Variants in NTNG1 observed in about 807,000 individuals in gnomAD.
NTNG1 encodes the protein netrin-G1.
NTNG1 carries 16 observed loss-of-function variants against 54.0 expected under a neutral mutation model. The ratio of observed to expected loss-of-function variants is 0.30; its 90% confidence interval spans 0.20 to 0.45. The LOEUF (loss-of-function observed/expected upper bound fraction) is 0.45. NTNG1 is among the 20% of genes least tolerant of loss of function. The probability of loss-of-function intolerance (pLI) is 1.00; values close to 1 mark genes in which losing one functional copy is unlikely to be tolerated. For missense variants in NTNG1, 530 were observed against 678.7 expected (o/e 0.78, Z 2.43); for synonymous variants, 255 against 263.1 (o/e 0.97, Z 0.30).
chr1:107,364,655 C>G (rs578235976), intron 3 of NTNG1, among the ~76,000 whole-genome samples: 2 of 152,308 alleles, frequency 1.3e-5, no homozygotes, highest in South Asian at 2.1e-4. Flanking sequence ...CATAAGAAAG[C>G]ATCTCCATCA....
At chr1:107,430,651 C>A in intron 5 of NTNG1, 99 bp from the exon 6 acceptor site, 1 of 1,206,508 alleles carries the variant, frequency 8.3e-7, no homozygotes, top group Non-Finnish European at 1.2e-6. Context: ...AATGCCATTC[C>A]ACCGTCTTTT....
At chr1:107,142,383 C>T (rs1216110727) in intron 1 of NTNG1, among the ~76,000 whole-genome samples, 1 of 150,654 alleles carries the variant, frequency 6.6e-6, no homozygotes, top group African/African-American at 2.4e-5. Context: ...AAATTCCTAG[C>T]GGGGATTTTA....
intron 5 of NTNG1, among the ~76,000 whole-genome samples, chr1:107,420,691 G>A (rs564425982): frequency 1.3e-5 from 2 of 151,874 alleles, no homozygotes; most frequent in African/African-American, 2.4e-5. Flanking sequence ...TGTATATGTC[G>A]AATAGTTTAT....
intron 5 of NTNG1, among the ~76,000 whole-genome samples, chr1:107,426,476 T>C (rs187026413): frequency 1.3e-5 from 2 of 152,182 alleles, no homozygotes; most frequent in East Asian, 3.9e-4. Context: ...TCAGAGGTTG[T>C]AGGGTATGTG....
intron 2 of NTNG1, among the ~76,000 whole-genome samples, chr1:107,316,692 T>C (rs996215200): frequency 6.6e-6 from 1 of 152,190 alleles, no homozygotes; most frequent in South Asian, 2.1e-4. Flanking sequence ...TGTTGATGAC[T>C]CAGTTTACCC....
chr1:107,375,160 C>G (rs1671154528), intron 3 of NTNG1, among the ~76,000 whole-genome samples: 2 of 152,158 alleles, frequency 1.3e-5, no homozygotes, highest in Non-Finnish European at 2.9e-5. Flanking sequence ...TACAGATCTT[C>G]AGTGTTCTTT....
At chr1:107,279,735 T>C (rs558845602) in intron 2 of NTNG1, among the ~76,000 whole-genome samples, 14 of 152,320 alleles carry the variant, frequency 9.2e-5, no homozygotes, top group African/African-American at 2.9e-4. Flanking sequence ...TAATTCTGGG[T>C]AGAAAACAGT....
intron 3 of NTNG1, among the ~76,000 whole-genome samples, chr1:107,360,446 G>C (rs979209800): frequency 3.9e-5 from 6 of 152,090 alleles, no homozygotes; most frequent in Non-Finnish European, 7.4e-5. Context: ...GTACAGTATG[G>C]AATACTCAAG....
At chr1:107,410,717 G>T (rs375482789) in intron 5 of NTNG1, 1 of 152,104 alleles carries the variant, frequency 6.6e-6, no homozygotes, top group Non-Finnish European at 1.5e-5. Context: ...TGTTGCTGCC[G>T]ATAATCCAAA....
intron 2 of NTNG1, among the ~76,000 whole-genome samples, chr1:107,165,007 C>T (rs1380590274): frequency 1.3e-5 from 2 of 151,966 alleles, no homozygotes; most frequent in African/African-American, 2.4e-5. Context: ...AGCAGGGATA[C>T]GAGCCAGAGT....
chr1:107,205,292 T>C (rs1039498111), intron 2 of NTNG1, among the ~76,000 whole-genome samples: 2 of 151,958 alleles, frequency 1.3e-5, no homozygotes, highest in Non-Finnish European at 2.9e-5. Flanking sequence ...CTCTTGGATA[T>C]GCCTGTCTCC....
chr1:107,400,459 C>T (rs1445704333), intron 4 of NTNG1, among the ~76,000 whole-genome samples: 2 of 152,036 alleles, frequency 1.3e-5, no homozygotes, highest in Non-Finnish European at 2.9e-5. Flanking sequence ...GAGATATGTA[C>T]TATTATTATC....
intron 2 of NTNG1, among the ~76,000 whole-genome samples, chr1:107,223,716 GA>G (rs1026118891): frequency 6.6e-6 from 1 of 152,006 alleles, no homozygotes; most frequent in East Asian, 1.9e-4. Context: ...GGAGCTGAAA[GA>G]AAAAAGGTAT....
At chr1:107,405,556 T>G (rs1452993669) in intron 4 of NTNG1, among the ~76,000 whole-genome samples, 2 of 152,158 alleles carry the variant, frequency 1.3e-5, no homozygotes, top group Admixed American at 6.6e-5. Context: ...AATTTCTGCA[T>G]CTTTCCAAAG....
At chr1:107,216,876 A>G (rs977841547) in intron 2 of NTNG1, among the ~76,000 whole-genome samples, 1 of 151,916 alleles carries the variant, frequency 6.6e-6, no homozygotes, top group African/African-American at 2.4e-5. Flanking sequence ...ATGGGGTTTC[A>G]CCATGTTGGC....
chr1:107,313,558 C>G (rs913071828), intron 2 of NTNG1, among the ~76,000 whole-genome samples: 5 of 152,058 alleles, frequency 3.3e-5, no homozygotes, highest in African/African-American at 1.2e-4. Context: ...CAATAAAGGA[C>G]TTTATGTAGA....
intron 3 of NTNG1, among the ~76,000 whole-genome samples, chr1:107,347,631 A>G (rs559604689): frequency 1.3e-5 from 2 of 152,312 alleles, no homozygotes; most frequent in South Asian, 4.1e-4. Flanking sequence ...GTTATTTGTC[A>G]TGATTTATCT....
chr1:107,290,356 C>T (rs951626667), intron 2 of NTNG1, among the ~76,000 whole-genome samples: 8 of 151,956 alleles, frequency 5.3e-5, no homozygotes, highest in African/African-American at 1.4e-4. Context: ...AAGAGTGAAA[C>T]GAAGTACTAG....
chr1:107,296,175 A>G (rs1258809063), intron 2 of NTNG1, among the ~76,000 whole-genome samples: 1 of 152,158 alleles, frequency 6.6e-6, no homozygotes, highest in Non-Finnish European at 1.5e-5. Context: ...TTACCTATCA[A>G]TCCTGCACCA....
Sources: allele counts gnomAD v4.1 joint callset (sites outside exome capture counted in the v4.1 genomes callset), GRCh38; gene constraint gnomAD v4.1.1; transcripts MANE v1.5; gene names NCBI Gene and HGNC (gene_info 2026-07-23, HGNC 2026-07-21).